STPG2: variants seen among roughly 807,000 people sequenced by gnomAD.
The protein encoded by STPG2 is sperm tail PG-rich repeat containing 2.
In STPG2, 56 loss-of-function variants were observed where a neutral mutation model predicts 54.2. The ratio of observed to expected loss-of-function variants is 1.03; its 90% CI spans 0.83 to 1.29. The LOEUF (loss-of-function observed/expected upper bound fraction) is 1.29. STPG2 is among the 50% of genes most tolerant of loss of function. The pLI is 0.00. For synonymous variants in STPG2, 200 were observed against 181.8 expected (o/e 1.10, Z -0.81); for missense variants, 596 against 544.9 (o/e 1.09, Z -0.93).
At chr4:97,924,059 G>T (rs1054500620) in intron 8 of STPG2, among the ~76,000 whole-genome samples, 3 of 152,144 alleles carry the variant, frequency 2.0e-5, no homozygotes, top group Admixed American at 6.5e-5. Flanking sequence ...TCTTGCTACT[G>T]CTCACTCTTT....
intron 4 of STPG2, among the ~76,000 whole-genome samples, chr4:97,500,352 G>T (rs1045646970): frequency 4.6e-5 from 7 of 152,012 alleles, no homozygotes; most frequent in Non-Finnish European, 1.0e-4. Context: ...AGATGGGGAA[G>T]ACTATTAAAG....
intron 3 of STPG2, among the ~76,000 whole-genome samples, chr4:98,112,850 GA>G (rs1739402699): frequency 6.6e-6 from 1 of 152,008 alleles, no homozygotes; most frequent in Non-Finnish European, 1.5e-5. Context: ...CCTATGAGAA[GA>G]AGGAGATAAT....
Position 97,694,826 on chromosome 4 carries a change from A to T in STPG2, c.1320+17873T>A, listed in dbSNP as rs1723512722. 5.0e-5 allele frequency among the ~76,000 whole-genome samples: 6 copies of T among 120,628 alleles called. No homozygotes were observed. The South Asian group carries it at 1.4e-3, about 28-fold the overall frequency. The allele number at this position is 120,628 out of a possible 152,430, so 79.1% of individuals were successfully genotyped here. ...AGACTCTGTCACAAAAAAAAAAAAA[A>T]AAAAAAAAAAAAAAAAAAAAAAAAA... On this transcript the variant is annotated intron_variant, in intron 10 of 10. Coordinates refer to ENST00000295268, the MANE Select transcript of STPG2 (RefSeq NM_174952.3).
chr4:97,658,579 G>C lies in STPG2; in HGVS notation c.1320+54120C>G, dbSNP rs1270190462. Among the ~76,000 whole-genome samples, 5 of 152,252 alleles carry C rather than the reference G, an allele frequency of 3.3e-5. No homozygotes were observed. The South Asian group carries it at 1.0e-3, about 32-fold the overall frequency. ...TGGAAGAGTTTAGACTCTTCAAAAA[G>C]CTGGAAGTAGCAAAGGATATCTCAG... On this transcript the variant is annotated intron_variant, in intron 10 of 10. Coordinates refer to ENST00000295268, the MANE Select transcript of STPG2 (RefSeq NM_174952.3).
intron 8 of STPG2, among the ~76,000 whole-genome samples, chr4:97,906,191 C>T (rs931553423): frequency 6.6e-6 from 1 of 152,178 alleles, no homozygotes; most frequent in Non-Finnish European, 1.5e-5. Context: ...GATATCACCA[C>T]CGATCCCACA....
intron 9 of STPG2, among the ~76,000 whole-genome samples, chr4:97,785,479 A>G (rs932035878): frequency 2.6e-5 from 4 of 152,150 alleles, no homozygotes; most frequent in Non-Finnish European, 4.4e-5. Context: ...AAATTATACA[A>G]TAATTTGTAG....
chr4:97,457,806 A>T (rs1276277022), intron 4 of STPG2, among the ~76,000 whole-genome samples: 1 of 152,220 alleles, frequency 6.6e-6, no homozygotes, highest in Non-Finnish European at 1.5e-5. Flanking sequence ...TTAAGCATGA[A>T]ATTTTAAACT....
intron 4 of STPG2, among the ~76,000 whole-genome samples, chr4:97,482,969 A>G (rs889060283): frequency 1.3e-5 from 2 of 151,766 alleles, no homozygotes; most frequent in African/African-American, 4.8e-5. Context: ...AGTATCATAT[A>G]TGAAGAAAAG....
At chr4:97,819,301 TAA>T (rs1026824726) in intron 9 of STPG2, among the ~76,000 whole-genome samples, 1 of 152,170 alleles carries the variant, frequency 6.6e-6, no homozygotes, top group South Asian at 2.1e-4. Flanking sequence ...TAGAATATTA[TAA>T]GTCACTGAGA....
At chr4:97,755,564 C>A (rs1401629381) in intron 9 of STPG2, among the ~76,000 whole-genome samples, 3 of 152,134 alleles carry the variant, frequency 2.0e-5, no homozygotes, top group African/African-American at 7.2e-5. Flanking sequence ...ATACTGCCTT[C>A]ATTTCTCTTC....
At chr4:97,950,139 A>T (rs1404176894) in intron 7 of STPG2, among the ~76,000 whole-genome samples, 1 of 151,386 alleles carries the variant, frequency 6.6e-6, no homozygotes, top group Admixed American at 6.6e-5. Context: ...ATATCCTGAA[A>T]TTTTTTTAAT....
At chr4:97,762,965 G>A (rs929052712) in intron 9 of STPG2, among the ~76,000 whole-genome samples, 15 of 152,068 alleles carry the variant, frequency 9.9e-5, no homozygotes, top group Middle Eastern at 3.4e-3. Context: ...AATAATCTAC[G>A]TTATATTTTG....
intron 10 of STPG2, among the ~76,000 whole-genome samples, chr4:97,608,828 T>C (rs1172020831): frequency 6.6e-6 from 1 of 152,100 alleles, no homozygotes; most frequent in Non-Finnish European, 1.5e-5. Flanking sequence ...TTTTTAAATA[T>C]GTGTTCTAAA....
intron 10 of STPG2, among the ~76,000 whole-genome samples, chr4:97,608,688 T>G (rs1342268860): frequency 1.3e-5 from 2 of 152,068 alleles, no homozygotes; most frequent in East Asian, 1.9e-4. Flanking sequence ...GAGATATATG[T>G]GATGTTTCAC....
At chr4:97,621,351 G>A (rs1487111339) in intron 10 of STPG2, among the ~76,000 whole-genome samples, 2 of 152,030 alleles carry the variant, frequency 1.3e-5, no homozygotes, top group Admixed American at 6.6e-5. Context: ...TGAATCCAGA[G>A]TTGGTAGTTT....
intron 8 of STPG2, among the ~76,000 whole-genome samples, chr4:97,926,228 T>C (rs562690257): frequency 5.3e-5 from 8 of 152,240 alleles, no homozygotes; most frequent in Middle Eastern, 3.4e-3. Context: ...TCCCTGGGAT[T>C]TCTAGACCCA....
chr4:97,840,631 C>G, intron 9 of STPG2, 142 bp downstream of exon 9: 1 of 833,450 alleles, frequency 1.2e-6, no homozygotes, highest in Non-Finnish European at 1.8e-6. Flanking sequence ...TTTGTTACAG[C>G]ACTGATGAGA....
At chr4:97,777,390 A>C (rs1438659561) in intron 9 of STPG2, among the ~76,000 whole-genome samples, 1 of 152,182 alleles carries the variant, frequency 6.6e-6, no homozygotes, top group Non-Finnish European at 1.5e-5. Context: ...AACTGATCCA[A>C]GGGGAAATTT....
At chr4:97,560,429 G>A (rs1405120636) in intron 10 of STPG2, among the ~76,000 whole-genome samples, 1 of 152,060 alleles carries the variant, frequency 6.6e-6, no homozygotes, top group Non-Finnish European at 1.5e-5. Context: ...GAACATGACT[G>A]TTTAATGAGA....
Sources: allele counts gnomAD v4.1 joint callset (sites outside exome capture counted in the v4.1 genomes callset), GRCh38; gene constraint gnomAD v4.1.1; transcripts MANE v1.5; gene names NCBI Gene and HGNC (gene_info 2026-07-23, HGNC 2026-07-21).